Variants in LMBR1 observed in about 807,000 individuals in gnomAD.
LMBR1 encodes limb development membrane protein 1.
Under a neutral mutation model 73.9 loss-of-function variants are expected in LMBR1, and 52 were observed. The observed-to-expected ratio is 0.70, with a 90% CI of 0.56 to 0.89. The LOEUF (loss-of-function observed/expected upper bound fraction) is 0.89. LMBR1 is among the 40% of genes least tolerant of loss of function. LMBR1 has a pLI of 0.00. For synonymous variants in LMBR1, 215 were observed against 209.4 expected (o/e 1.03, Z -0.23); for missense variants, 539 against 579.8 (o/e 0.93, Z 0.72).
At chr7:156,868,449 GCAGATCACAAGGT>G (rs1798790440) in intron 1 of LMBR1, among the ~76,000 whole-genome samples, 1 of 152,142 alleles carries the variant, frequency 6.6e-6, no homozygotes, top group African/African-American at 2.4e-5. Context: ...GCCGAGGTGG[GCAGATCACAAGGT>G]CAGGAGTTCA....
At chr7:156,801,721 G>A (rs957667578) in intron 4 of LMBR1, among the ~76,000 whole-genome samples, 3 of 151,994 alleles carry the variant, frequency 2.0e-5, no homozygotes, top group South Asian at 2.1e-4. Context: ...TTGTAGAGAT[G>A]AGGTTTCACC....
At chr7:156,771,393 A>G (rs1450077758) in intron 5 of LMBR1, among the ~76,000 whole-genome samples, 1 of 152,198 alleles carries the variant, frequency 6.6e-6, no homozygotes, top group Non-Finnish European at 1.5e-5. Flanking sequence ...CAAAGACGGC[A>G]TTACCACTGA....
intron 9 of LMBR1, among the ~76,000 whole-genome samples, chr7:156,740,957 TAGAC>T (rs1437669432): frequency 3.9e-5 from 6 of 152,196 alleles, no homozygotes; most frequent in African/African-American, 7.2e-5. Context: ...TTTCAAGACA[TAGAC>T]AGTACAGTAA....
intron 4 of LMBR1, among the ~76,000 whole-genome samples, chr7:156,804,850 T>G (rs532365253): frequency 1.4e-4 from 22 of 152,330 alleles, no homozygotes; most frequent in African/African-American, 4.8e-4. Flanking sequence ...AAGTCCAATT[T>G]ATCCATTTTT....
intron 9 of LMBR1, among the ~76,000 whole-genome samples, chr7:156,748,848 T>C (rs1007875180): frequency 6.6e-6 from 1 of 152,200 alleles, no homozygotes; most frequent in East Asian, 1.9e-4. Flanking sequence ...AAATATATGA[T>C]ATTTAACTCA....
chr7:156,738,423 A>G (rs1291109383), intron 9 of LMBR1, among the ~76,000 whole-genome samples: 7 of 152,160 alleles, frequency 4.6e-5, no homozygotes, highest in African/African-American at 7.2e-5. Context: ...CAAGAACTGC[A>G]ATTCCTAGGC....
chr7:156,716,277 T>C lies in LMBR1; in HGVS notation c.1225+7835A>G, dbSNP rs114047503. Among the ~76,000 whole-genome samples, 613 of 152,312 alleles carry C rather than the reference T, an allele frequency of 4.0e-3. 3 individuals carry two copies. Among genetic ancestry groups the C allele is most frequent in the African/African-American group, 0.014 (575 of 41,572 alleles). ...TAGAGAAAGGTGAATGGGAGAAGAC[T>C]GTGGGAACAATGGGAACCAAAGCTT... On this transcript the variant is annotated intron_variant, in intron 15 of 16. Coordinates refer to ENST00000353442, the MANE Select transcript of LMBR1 (RefSeq NM_022458.4).
In LMBR1 at chr7:156,670,731, A is replaced by G. The variant is rs1802306734; in HGVS notation, n.867-1444T>C. On this transcript the variant is annotated intron_variant and non_coding_transcript_variant, in intron 4 of 4. Transcript: ENST00000430825. The surrounding 1 kb of genome is among the most constrained non-coding windows in gnomAD (Gnocchi z 4.3). ...TCGGGAGAGACCTAACCGCCAGTCT[A>G]GACTCCCATGTGAACCAAATGAAAG... Among the ~76,000 whole-genome samples, 1 of 152,198 alleles carries G rather than the reference A, an allele frequency of 6.6e-6. No individual in the cohort carries two copies. The highest frequency in any genetic ancestry group is 2.1e-4 in the South Asian group (1 of 4,830).
In LMBR1 at chr7:156,892,968, G is replaced by C; in HGVS notation, c.26C>G (p.Ala9Gly). ...TTGGCTGTGGAAGTGCTGCTCCCGCGCCGACACCTCGTCCTGCCCTTCCAT... is the reference window on the plus strand; with the variant it reads ...TTGGCTGTGGAAGTGCTGCTCCCGCCCCGACACCTCGTCCTGCCCTTCCAT... MEGQDEVS[A>G]REQHFHSQVR... is the part of the protein sequence containing the mutation. The change falls in exon 1 of 17, where the codon GCG (alanine) becomes GGG (glycine). Residue 9 changes from alanine to glycine, a missense_variant. Around this residue, in one of 3 missense-constraint regions of LMBR1, gnomAD observed 454 missense variants for 473.4 expected, o/e 0.96. Transcript: ENST00000353442. 6.5e-7 allele frequency: 1 copy of C among 1,542,620 alleles called. No individual in the cohort carries two copies. Among genetic ancestry groups the C allele is most frequent in the African/African-American group, 1.4e-5 (1 of 70,234 alleles).
chr7:156,735,696 C>T (rs1817741247), intron 9 of LMBR1, among the ~76,000 whole-genome samples: 1 of 151,482 alleles, frequency 6.6e-6, no homozygotes, highest in Admixed American at 6.6e-5. Context: ...TCATAATGAC[C>T]CTGTTTGTTT....
At chr7:156,692,710 C>T (rs6951805) in intron 15 of LMBR1, among the ~76,000 whole-genome samples, 108,391 of 151,978 alleles carry the variant, frequency 0.71, 39,170 homozygotes, top group African/African-American at 0.83. Context: ...GTTCATGAGA[C>T]GAAGCTTGGA....
intron 5 of LMBR1, among the ~76,000 whole-genome samples, chr7:156,772,677 G>A (rs1215820754): frequency 6.6e-6 from 1 of 152,002 alleles, no homozygotes. Context: ...GTGAAATCCT[G>A]CATCTACTAA....
chr7:156,673,144 C>T (rs940258213), downstream of LMBR1, among the ~76,000 whole-genome samples: 3 of 152,158 alleles, frequency 2.0e-5, no homozygotes, highest in Admixed American at 1.3e-4. Flanking sequence ...CTTTTATGTC[C>T]AAAACTAATC....
intron 5 of LMBR1, among the ~76,000 whole-genome samples, chr7:156,770,759 T>G (rs919731978): frequency 2.1e-4 from 32 of 151,712 alleles, no homozygotes; most frequent in African/African-American, 6.3e-4. Context: ...AACAAAAATT[T>G]TAAAATGAGA....
chr7:156,879,386 C>G (rs924111817), intron 1 of LMBR1, among the ~76,000 whole-genome samples: 1 of 151,908 alleles, frequency 6.6e-6, no homozygotes, highest in Non-Finnish European at 1.5e-5. Flanking sequence ...GCTAACTGGC[C>G]GGGCACGGTG....
chr7:156,891,229 TATATACACAC>T (rs1475525278), intron 1 of LMBR1, among the ~76,000 whole-genome samples: 1 of 81,588 alleles, frequency 1.2e-5, no homozygotes, highest in African/African-American at 5.0e-5. Flanking sequence ...TATATATATA[TATATACACAC>T]ACACACACAC....
intron 1 of LMBR1, among the ~76,000 whole-genome samples, chr7:156,891,259 CAT>C (rs1353482991): frequency 7.5e-4 from 91 of 121,872 alleles, no homozygotes; most frequent in African/African-American, 2.3e-3. Context: ...CACACACACA[CAT>C]ATATACATAC....
chr7:156,829,138 G>T (rs12530665), intron 3 of LMBR1, among the ~76,000 whole-genome samples: 2 of 152,176 alleles, frequency 1.3e-5, no homozygotes, highest in African/African-American at 4.8e-5. Flanking sequence ...CAGGAATAAA[G>T]GCTCTCGTGC....
intron 15 of LMBR1, among the ~76,000 whole-genome samples, chr7:156,689,745 A>G (rs1465025699): frequency 6.6e-6 from 1 of 152,234 alleles, no homozygotes; most frequent in Non-Finnish European, 1.5e-5. Flanking sequence ...CATATGTCAC[A>G]CATGGTTATG....
Sources: gnomAD v4.1 joint callset for allele counts (sites outside exome capture counted in the v4.1 genomes callset) on GRCh38, gnomAD v4.1.1 for gene constraint, gnomAD v4.1.1 regional missense constraint, Gnocchi (gnomAD v3.1) non-coding constraint, MANE v1.5 for transcripts, NCBI Gene and HGNC (gene_info 2026-07-23, HGNC 2026-07-21) for gene names.